The following ITGA9 variants were observed in gnomAD, a reference collection of about 807,000 sequenced individuals.
The protein encoded by ITGA9 is integrin alpha-9.
Under a neutral mutation model 127.8 loss-of-function variants are expected in ITGA9, and 56 were observed. The ratio of observed to expected loss-of-function variants is 0.44; its 90% CI spans 0.35 to 0.55. The LOEUF (loss-of-function observed/expected upper bound fraction) is 0.55. ITGA9 is among the 20% of genes least tolerant of loss of function. The pLI, the probability that ITGA9 is intolerant of heterozygous loss-of-function variation, is 0.00. For missense variants in ITGA9, 1,196 were observed against 1,347.1 expected, an observed-to-expected ratio of 0.89 and a Z score of 1.76; for synonymous variants, 508 against 514.5, an observed-to-expected ratio of 0.99 and a Z score of 0.17.
At chr3:37,622,172 C>T (rs572143682) in intron 15 of ITGA9, among the ~76,000 whole-genome samples, 1 of 145,918 alleles carries the variant, frequency 6.9e-6, no homozygotes, top group East Asian at 2.0e-4. Context: ...ACTGCAAGCT[C>T]CACCTCCCAG....
intron 15 of ITGA9, among the ~76,000 whole-genome samples, chr3:37,572,900 CAT>C (rs1699616110): frequency 6.6e-6 from 1 of 152,286 alleles, no homozygotes; most frequent in East Asian, 1.9e-4. Flanking sequence ...ATGATGGAGT[CAT>C]AAATCATGTC....
At chr3:37,498,149 T>G (rs755119203) in intron 5 of ITGA9, among the ~76,000 whole-genome samples, 3 of 152,178 alleles carry the variant, frequency 2.0e-5, no homozygotes, top group Non-Finnish European at 2.9e-5. Flanking sequence ...TTGGGAGATA[T>G]AAACTGCCAA....
intron 15 of ITGA9, among the ~76,000 whole-genome samples, chr3:37,582,604 A>T (rs1040463699): frequency 2.0e-5 from 3 of 152,212 alleles, no homozygotes; most frequent in Admixed American, 2.0e-4. Flanking sequence ...TTACTTATTG[A>T]TGGCACATTT....
At chr3:37,517,387 G>A in intron 9 of ITGA9, 117 bp from the exon 10 acceptor site, 1 of 811,840 alleles carries the variant, frequency 1.2e-6, no homozygotes, top group Non-Finnish European at 2.0e-6. Context: ...GGTGTTTCCT[G>A]TCAATGAGTG....
rs1698806146 is a variant in ITGA9 at position 37,503,226 on chromosome 3, A to C, written c.661A>C (p.Ile221Leu). ...APGSFYWAGT[I>L]KVLNLTDNTY... The stretch of plus-strand genomic sequence containing the variant: ...AGGGTCATTTTATTGGGCTGGAACC[A>C]TCAAAGTGCTGAACCTTACGGACAA... The change falls in exon 6 of 28, where the codon ATC (isoleucine) becomes CTC (leucine). Residue 221 changes from isoleucine to leucine, a missense_variant. Physicochemically the swap from Ile to Leu is conservative, Grantham distance 5. Coordinates refer to ENST00000264741, the MANE Select transcript of ITGA9 (RefSeq NM_002207.3). The C allele has an allele frequency of 6.2e-7, 1 of 1,614,102 alleles. No individual in the cohort carries two copies. Among genetic ancestry groups the C allele is most frequent in the Non-Finnish European group, 8.5e-7 (1 of 1,179,978 alleles).
chr3:37,789,887 G>A (rs527711224), intron 26 of ITGA9: 7 of 563,192 alleles, frequency 1.2e-5, no homozygotes, highest in Non-Finnish European at 1.5e-5. Flanking sequence ...GAGGGATGAG[G>A]AGTACACATA....
intron 16 of ITGA9, among the ~76,000 whole-genome samples, chr3:37,631,201 G>A (rs1700227444): frequency 6.6e-6 from 1 of 152,158 alleles, no homozygotes; most frequent in Non-Finnish European, 1.5e-5. Context: ...AGGGTCCTCT[G>A]TGCTTATTTG....
chr3:37,685,316 G>A (rs1700772565), intron 18 of ITGA9, among the ~76,000 whole-genome samples: 1 of 152,194 alleles, frequency 6.6e-6, no homozygotes, highest in African/African-American at 2.4e-5. Flanking sequence ...TTTCCAAGAA[G>A]TCATCTCAGA....
intron 15 of ITGA9, among the ~76,000 whole-genome samples, chr3:37,577,300 T>G (rs1699663483): frequency 6.6e-6 from 1 of 152,252 alleles, no homozygotes; most frequent in Non-Finnish European, 1.5e-5. Context: ...AGTTAATTGT[T>G]TGAGTTTTCT....
At chr3:37,486,558 A>G (rs1429409681) in intron 4 of ITGA9, among the ~76,000 whole-genome samples, 1 of 152,246 alleles carries the variant, frequency 6.6e-6, no homozygotes, top group Non-Finnish European at 1.5e-5. Flanking sequence ...TTCAAGCAAC[A>G]TAATAGTATT....
chr3:37,737,443 C>A (rs137969999), intron 20 of ITGA9, among the ~76,000 whole-genome samples: 1 of 152,202 alleles, frequency 6.6e-6, no homozygotes, highest in African/African-American at 2.4e-5. Flanking sequence ...TTGGCAGAGG[C>A]CCCAAGAGAT....
chr3:37,725,551 C>T (rs1696178956), intron 18 of ITGA9, among the ~76,000 whole-genome samples: 1 of 152,120 alleles, frequency 6.6e-6, no homozygotes, highest in African/African-American at 2.4e-5. Context: ...AAGGAATGTG[C>T]CCGGCTCACA....
chr3:37,473,275 G>A, intron 2 of ITGA9, 79 bp from the exon 3 acceptor site: 1 of 1,027,800 alleles, frequency 9.7e-7, no homozygotes, highest in Admixed American at 1.7e-5. Flanking sequence ...TTCCTCATAG[G>A]GCTGTGGACC....
intron 15 of ITGA9, among the ~76,000 whole-genome samples, chr3:37,626,980 C>G (rs540436380): frequency 5.3e-5 from 8 of 152,140 alleles, no homozygotes; most frequent in African/African-American, 1.9e-4. Context: ...TTCTCCACAC[C>G]GCGGGCAGTC....
intron 3 of ITGA9, among the ~76,000 whole-genome samples, chr3:37,478,006 G>C (rs1367148090): frequency 1.3e-5 from 2 of 151,466 alleles, no homozygotes; most frequent in Admixed American, 6.6e-5. Flanking sequence ...TTATTGAGCT[G>C]TAACACACAT....
intron 18 of ITGA9, among the ~76,000 whole-genome samples, chr3:37,696,804 T>C (rs781574296): frequency 7.9e-5 from 12 of 152,206 alleles, no homozygotes; most frequent in Non-Finnish European, 1.3e-4. Flanking sequence ...CTTTTTGTGT[T>C]ATTTGGAAGT....
At chr3:37,484,224 G>A (rs1275746795) in intron 4 of ITGA9, among the ~76,000 whole-genome samples, 1 of 152,196 alleles carries the variant, frequency 6.6e-6, no homozygotes, top group African/African-American at 2.4e-5. Context: ...GTATTGGGGT[G>A]TAAGAGCAGC....
intron 23 of ITGA9, chr3:37,754,161 A>G (rs1314831699): frequency 6.6e-6 from 1 of 152,230 alleles, no homozygotes. Flanking sequence ...CACATCTGTC[A>G]CAAGCTTCAT....
At chr3:37,631,582 G>T (rs577544237) in intron 16 of ITGA9, among the ~76,000 whole-genome samples, 2 of 152,312 alleles carry the variant, frequency 1.3e-5, no homozygotes, top group African/African-American at 4.8e-5. Flanking sequence ...CTAATAATAA[G>T]AGTCCAGTAA....
Sources: gnomAD v4.1 joint callset for allele counts (sites outside exome capture counted in the v4.1 genomes callset) on GRCh38, gnomAD v4.1.1 for gene constraint, MANE v1.5 for transcripts, NCBI Gene and HGNC (gene_info 2026-07-23, HGNC 2026-07-21) for gene names.